Variants in TRDN observed in about 807,000 individuals in gnomAD.
TRDN encodes triadin, also known as triadin in skeletal muscle.
Under a neutral mutation model 149.7 loss-of-function variants are expected in TRDN, and 161 were observed. The observed-to-expected ratio is 1.08, with a 90% CI of 0.95 to 1.23. The LOEUF (loss-of-function observed/expected upper bound fraction) is 1.23. TRDN is among the 50% of genes most tolerant of loss of function. The probability of loss-of-function intolerance (pLI) is 0.00; values close to 1 mark genes in which losing one functional copy is unlikely to be tolerated. For missense variants in TRDN, 896 were observed against 823.5 expected (o/e 1.09, Z -1.08); for synonymous variants, 294 against 250.5 (o/e 1.17, Z -1.64).
At chr6:123,316,042 G>C (rs1247740080) in intron 24 of TRDN, among the ~76,000 whole-genome samples, 1 of 151,920 alleles carries the variant, frequency 6.6e-6, no homozygotes, top group Admixed American at 6.6e-5. Flanking sequence ...CAAAATGGTT[G>C]AAAGTAGGTA....
intron 5 of TRDN, among the ~76,000 whole-genome samples, chr6:123,524,946 C>G (rs1256174599): frequency 6.6e-6 from 1 of 152,124 alleles, no homozygotes; most frequent in Admixed American, 6.6e-5. Flanking sequence ...TATTCACAAA[C>G]ATGAAAAATT....
intron 24 of TRDN, among the ~76,000 whole-genome samples, chr6:123,279,694 T>C (rs189867985): frequency 6.6e-6 from 1 of 152,238 alleles, no homozygotes; most frequent in East Asian, 1.9e-4. Flanking sequence ...TTAGTCTCTC[T>C]GGTCACCAAT....
At chr6:123,456,850 TAG>T (rs1263143181) in intron 10 of TRDN, 1 of 456,034 alleles carries the variant, frequency 2.2e-6, no homozygotes, top group Admixed American at 2.3e-5. Context: ...TCACTCATTC[TAG>T]AGAGGGAAAG....
chr6:123,281,420 A>G (rs981419100), intron 24 of TRDN, among the ~76,000 whole-genome samples: 2 of 152,054 alleles, frequency 1.3e-5, no homozygotes, highest in Non-Finnish European at 2.9e-5. Context: ...AATAAGAGGA[A>G]AGTCACTTTT....
At chr6:123,381,621 A>T (rs1197202237) in intron 15 of TRDN, among the ~76,000 whole-genome samples, 1 of 152,038 alleles carries the variant, frequency 6.6e-6, no homozygotes, top group Admixed American at 6.6e-5. Flanking sequence ...ACCCAGGATT[A>T]TACTGTTTAA....
chr6:123,463,116 T>C (rs970268098), intron 10 of TRDN: 1 of 152,048 alleles, frequency 6.6e-6, no homozygotes, highest in Admixed American at 6.6e-5. Context: ...GGAGGGTGGA[T>C]CACGAGGTCA....
At chr6:123,629,512 G>C (rs1181775803) in intron 1 of TRDN, among the ~76,000 whole-genome samples, 1 of 152,176 alleles carries the variant, frequency 6.6e-6, no homozygotes, top group East Asian at 1.9e-4. Context: ...ATAAAGAACA[G>C]GTTGCTCCAT....
intron 2 of TRDN, among the ~76,000 whole-genome samples, chr6:123,564,814 C>CAAAATTGGT (rs570966413): frequency 2.4e-4 from 36 of 152,254 alleles, no homozygotes; most frequent in African/African-American, 8.2e-4. Context: ...TTAATTCTTA[C>CAAAATTGGT]AAAATTGGTT....
intron 2 of TRDN, among the ~76,000 whole-genome samples, chr6:123,554,007 A>G (rs553160619): frequency 1.3e-4 from 20 of 152,330 alleles, no homozygotes; most frequent in Admixed American, 5.9e-4. Context: ...CCATAAATGC[A>G]GGCTGCTATA....
At chr6:123,233,794 C>T (rs909222023) in intron 38 of TRDN, among the ~76,000 whole-genome samples, 2 of 151,292 alleles carry the variant, frequency 1.3e-5, no homozygotes, top group African/African-American at 4.9e-5. Flanking sequence ...AAATAAGAGA[C>T]AGATGTTTTC....
chr6:123,530,312 ATTAT>A (rs1780177255), intron 5 of TRDN, among the ~76,000 whole-genome samples, 190 bp downstream of exon 5: 1 of 151,848 alleles, frequency 6.6e-6, no homozygotes, highest in East Asian at 1.9e-4. Flanking sequence ...TCTATTAAAT[ATTAT>A]TTATGTTATT....
intron 20 of TRDN, 120 bp downstream of exon 20, chr6:123,366,015 T>A: frequency 1.2e-6 from 1 of 818,814 alleles, no homozygotes; most frequent in Non-Finnish European, 1.9e-6. Context: ...TGTTTCTATA[T>A]CAACGAACTA....
intron 1 of TRDN, among the ~76,000 whole-genome samples, chr6:123,585,336 G>C (rs1364313464): frequency 1.3e-5 from 2 of 151,982 alleles, no homozygotes; most frequent in African/African-American, 2.4e-5. Context: ...TTTGGCACCA[G>C]AGTTGGGGAC....
intron 10 of TRDN, among the ~76,000 whole-genome samples, chr6:123,448,030 C>T (rs1775498359): frequency 6.6e-6 from 1 of 152,128 alleles, no homozygotes; most frequent in Non-Finnish European, 1.5e-5. Context: ...GGAGCTGAGT[C>T]AATTTGGAGA....
At chr6:123,598,449 A>AC (rs1784138324) in intron 1 of TRDN, among the ~76,000 whole-genome samples, 1 of 151,984 alleles carries the variant, frequency 6.6e-6, no homozygotes, top group Admixed American at 6.6e-5. Flanking sequence ...CGTTTAAGAA[A>AC]CCCTAGCTCC....
At position 123,366,064 on chromosome 6, in the gene TRDN, C is replaced by T; in HGVS notation, c.1321+71G>A. The T allele has an allele frequency of 2.9e-6, 4 of 1,390,432 alleles. No homozygotes were observed. In the South Asian group the frequency reaches 5.0e-5, roughly 17 times the overall value. The allele number at this position is 1,390,432 out of a possible 1,614,324, so 86.1% of individuals were successfully genotyped here. A position where few individuals can be genotyped will look rare whatever the true frequency, so the allele number is the denominator to read the frequency against. On this transcript the variant is annotated intron_variant, in intron 20 of 40. Coordinates refer to ENST00000334268, the MANE Select transcript of TRDN (RefSeq NM_006073.4). ...ATAGAGCTCTTTTCTAAGCACAAAA[C>T]AATACATTGTTAGAAACCTTAGCAG...
chr6:123,234,422 G>A (rs1775712500), intron 38 of TRDN, among the ~76,000 whole-genome samples: 1 of 151,948 alleles, frequency 6.6e-6, no homozygotes, highest in Admixed American at 6.6e-5. Flanking sequence ...ATTATAAGAA[G>A]ACTTTATTTC....
intron 1 of TRDN, among the ~76,000 whole-genome samples, chr6:123,620,613 T>C (rs575019313): frequency 3.9e-5 from 6 of 152,264 alleles, no homozygotes; most frequent in Middle Eastern, 6.8e-3. Context: ...ATCCTTCTTT[T>C]CTCACACACT....
At chr6:123,320,662 T>C (rs1278754198) in intron 23 of TRDN, among the ~76,000 whole-genome samples, 3 of 152,114 alleles carry the variant, frequency 2.0e-5, no homozygotes, top group African/African-American at 7.2e-5. Context: ...TTGCTACTGA[T>C]AGAATTAAAA....
Sources: allele counts gnomAD v4.1 joint callset (sites outside exome capture counted in the v4.1 genomes callset), GRCh38; gene constraint gnomAD v4.1.1; transcripts MANE v1.5; gene names NCBI Gene and HGNC (gene_info 2026-07-23, HGNC 2026-07-21).